The following SLIT3 variants were observed in gnomAD, a reference collection of about 807,000 sequenced individuals.
The protein encoded by SLIT3 is slit homolog 3 protein.
In SLIT3, 68 loss-of-function variants were observed where a neutral mutation model predicts 184.0. The observed-to-expected ratio is 0.37, with a 90% CI of 0.30 to 0.45. The LOEUF (loss-of-function observed/expected upper bound fraction) is 0.45. Among genes scored for constraint, SLIT3 ranks in the 20% least tolerant of loss-of-function variants. SLIT3 has a pLI of 1.00. For synonymous variants in SLIT3, 831 were observed against 828.6 expected, an observed-to-expected ratio of 1.00 and a Z score of -0.05; for missense variants, 1,707 against 2,026.0, an observed-to-expected ratio of 0.84 and a Z score of 3.02.
chr5:168,760,809 C>G lies in SLIT3; in HGVS notation c.1685+53G>C, dbSNP rs536830357. The G allele has an allele frequency of 2.3e-5, 31 of 1,357,310 alleles. No homozygotes were observed. In the South Asian group the frequency reaches 3.5e-4, roughly 15 times the overall value. The allele number at this position is 1,357,310 out of a possible 1,614,324, so 84.1% of individuals were successfully genotyped here. On this transcript the variant is annotated intron_variant, in intron 16 of 35. Coordinates refer to ENST00000519560, the MANE Select transcript of SLIT3 (RefSeq NM_003062.4). Reference sequence around the variant, plus strand: ...CCCCTGGTTCCTCTAGTCTAGAACACAGGCTCTGGCTAGAGAACAGAGGCT... The same window carrying G: ...CCCCTGGTTCCTCTAGTCTAGAACAGAGGCTCTGGCTAGAGAACAGAGGCT...
intron 4 of SLIT3, among the ~76,000 whole-genome samples, chr5:168,947,050 T>C (rs1762503834): frequency 1.3e-5 from 2 of 152,210 alleles, no homozygotes; most frequent in Non-Finnish European, 1.5e-5. Context: ...CTATATATTG[T>C]GGTGTCCCCT....
In SLIT3 at chr5:168,715,902, C is replaced by T. The variant is rs1381199165; in HGVS notation, c.2484-3548G>A. ...GGCCAGGCTGGTCTTGAACTCCAGG[C>T]CTCAGGTGATCGACCTGCCTTGGCC... On this transcript the variant is annotated intron_variant, in intron 23 of 35. Transcript: ENST00000519560. Among the ~76,000 whole-genome samples, 5 of 152,170 alleles carry T rather than the reference C, an allele frequency of 3.3e-5. No homozygotes were observed. In the East Asian group the frequency reaches 9.7e-4, roughly 29 times the overall value.
At position 168,795,595 on chromosome 5, in the gene SLIT3, A is replaced by G. The variant is rs761521832; in HGVS notation, c.936-17T>C. The G allele has an allele frequency of 1.2e-5, 20 of 1,604,680 alleles. No homozygotes were observed. In the Admixed American group the frequency reaches 3.0e-4, roughly 24 times the overall value. ...TCTAGGCGTCTGGGAAACAGAGCAG[A>G]GAAGAGTGAATTAACCATCCACCTG... On this transcript the variant is annotated splice_polypyrimidine_tract_variant and intron_variant, in intron 9 of 35. Transcript: ENST00000519560.
In SLIT3 at chr5:168,679,910, G is replaced by C. The variant is rs138687886; in HGVS notation, c.3686+4056C>G. ...AGGAGTGAGGATCCAATGAGACAAA[G>C]ACCTTGGCAGTGGACAGGATTGTAG... On this transcript the variant is annotated intron_variant, in intron 32 of 35. Transcript: ENST00000519560. 2.0e-3 allele frequency among the ~76,000 whole-genome samples: 310 copies of C among 152,306 alleles called. 3 individuals carry two copies. The highest frequency in any genetic ancestry group is 2.3e-3 in the Non-Finnish European group (156 of 68,024).
intron 4 of SLIT3, among the ~76,000 whole-genome samples, chr5:169,079,545 AAGGAGGAAGAAGG>A (rs1298053103): frequency 1.3e-5 from 1 of 79,630 alleles, no homozygotes; most frequent in Non-Finnish European, 2.4e-5. Context: ...GAGGAGGAAG[AAGGAGGAAGAAGG>A]AGGAGGAGGA....
In SLIT3 at chr5:168,808,366, A is replaced by G. The variant is rs182593809; in HGVS notation, c.794-1779T>C. ...GCTGAGAATGTGGGCTCTGGGTCCTACTGCCTCTATCTGATTCCTGGTTCT... is the reference window on the plus strand; with the variant it reads ...GCTGAGAATGTGGGCTCTGGGTCCTGCTGCCTCTATCTGATTCCTGGTTCT... On this transcript the variant is annotated intron_variant, in intron 8 of 35. Coordinates refer to ENST00000519560, the MANE Select transcript of SLIT3 (RefSeq NM_003062.4). Among the ~76,000 whole-genome samples, 50 of 152,060 alleles carry G rather than the reference A, an allele frequency of 3.3e-4. 1 individual carries two copies. The East Asian group carries it at 9.3e-3, about 28-fold the overall frequency.
At chr5:168,692,576 T>C (rs1259303371) in intron 29 of SLIT3, 31 bp downstream of exon 29, 1 of 1,517,874 alleles carries the variant, frequency 6.6e-7, no homozygotes, top group South Asian at 1.1e-5. Context: ...TTTCATGGAC[T>C]CTGTGCTGGG....
intron 4 of SLIT3, 66 bp from the exon 5 acceptor site, chr5:168,883,402 AATG>A (rs1190288668): frequency 8.3e-7 from 1 of 1,207,600 alleles, no homozygotes; most frequent in Non-Finnish European, 1.2e-6. Context: ...CATCTCATTA[AATG>A]ATAACAATCC....
intron 4 of SLIT3, among the ~76,000 whole-genome samples, chr5:169,084,866 T>C (rs1259105527): frequency 6.6e-6 from 1 of 152,012 alleles, no homozygotes; most frequent in Non-Finnish European, 1.5e-5. Context: ...AGGGGCCCCT[T>C]TTCCTAATCC....
intron 20 of SLIT3, among the ~76,000 whole-genome samples, chr5:168,727,848 G>C (rs909904867): frequency 7.2e-5 from 11 of 152,174 alleles, no homozygotes; most frequent in Non-Finnish European, 1.5e-4. Context: ...AAGAAGGGGA[G>C]GACAAACTGT....
At chr5:168,808,417 C>A (rs536648989) in intron 8 of SLIT3, among the ~76,000 whole-genome samples, 2 of 152,200 alleles carry the variant, frequency 1.3e-5, no homozygotes, top group African/African-American at 4.8e-5. Context: ...TTTCCCTGTG[C>A]CTCAGTTTTC....
At chr5:169,073,086 A>C (rs1272970774) in intron 4 of SLIT3, among the ~76,000 whole-genome samples, 2 of 152,198 alleles carry the variant, frequency 1.3e-5, no homozygotes, top group Non-Finnish European at 2.9e-5. Flanking sequence ...CCTTCAGGCC[A>C]GATCCTTCAG....
intron 4 of SLIT3, among the ~76,000 whole-genome samples, chr5:168,953,726 C>T (rs1453846508): frequency 6.6e-6 from 1 of 152,188 alleles, no homozygotes; most frequent in African/African-American, 2.4e-5. Context: ...TTGATATAGC[C>T]TTGCTGGATG....
chr5:169,220,895 C>A (rs1477227339), intron 3 of SLIT3, among the ~76,000 whole-genome samples: 1 of 152,142 alleles, frequency 6.6e-6, no homozygotes, highest in Non-Finnish European at 1.5e-5. Context: ...ATCCTACTAC[C>A]CCCCAACTTC....
chr5:169,279,670 TATA>T (rs1383616603), intron 1 of SLIT3, among the ~76,000 whole-genome samples: 2 of 152,266 alleles, frequency 1.3e-5, no homozygotes, highest in Non-Finnish European at 2.9e-5. Flanking sequence ...TTATTCATTT[TATA>T]ATGTTATCCA....
rs1759966165 is a variant in SLIT3, at chr5:168,881,851, G to A, written c.485+1414C>T. Among the ~76,000 whole-genome samples the A allele has an allele frequency of 3.3e-5, 5 of 152,174 alleles. No homozygotes were observed. In the South Asian group the frequency reaches 1.0e-3, roughly 32 times the overall value. On this transcript the variant is annotated intron_variant, in intron 5 of 35. Transcript: ENST00000519560. ...CTTGCGAGAAGCCTACACCTGTCCT[G>A]CAAAGGAGCTCCCATTCTTTGTGGG...
At chr5:169,010,047 C>T (rs771633949) in intron 4 of SLIT3, among the ~76,000 whole-genome samples, 6 of 152,084 alleles carry the variant, frequency 3.9e-5, no homozygotes, top group Non-Finnish European at 7.3e-5. Flanking sequence ...GTGAACCAAT[C>T]GAGTTTTACA....
At chr5:168,947,503 G>A (rs1762517859) in intron 4 of SLIT3, among the ~76,000 whole-genome samples, 1 of 152,182 alleles carries the variant, frequency 6.6e-6, no homozygotes, top group Non-Finnish European at 1.5e-5. Flanking sequence ...AGGAGGCATA[G>A]GAAGAAAAAA....
At chr5:168,771,706 T>TA (rs1243073682) in intron 14 of SLIT3, among the ~76,000 whole-genome samples, 2 of 152,198 alleles carry the variant, frequency 1.3e-5, no homozygotes, top group African/African-American at 2.4e-5. Flanking sequence ...TAGTTTCTGT[T>TA]AAAAAAATTT....
Sources: allele counts gnomAD v4.1 joint callset (sites outside exome capture counted in the v4.1 genomes callset), GRCh38; gene constraint gnomAD v4.1.1; transcripts MANE v1.5; gene names NCBI Gene and HGNC (gene_info 2026-07-23, HGNC 2026-07-21).